The following EPHB1 variants were observed in gnomAD, a reference collection of about 807,000 sequenced individuals.
The protein encoded by EPHB1 is ephrin type-B receptor 1.
EPHB1 carries 30 observed loss-of-function variants against 94.4 expected under a neutral mutation model. That is an observed-to-expected ratio of 0.32 (90% CI 0.24 to 0.43). The LOEUF is 0.43. Ranked by LOEUF, EPHB1 falls within the 20% of genes least tolerant of loss-of-function variation. EPHB1 has a pLI of 1.00. For missense variants in EPHB1, 1,055 were observed against 1,308.3 expected, an observed-to-expected ratio of 0.81 and a Z score of 2.99; for synonymous variants, 522 against 489.1, an observed-to-expected ratio of 1.07 and a Z score of -0.89.
At chr3:135,177,594 C>T (rs1942018663) in intron 9 of EPHB1, among the ~76,000 whole-genome samples, 1 of 152,204 alleles carries the variant, frequency 6.6e-6, no homozygotes, top group Admixed American at 6.5e-5. Context: ...GCTCAATGAC[C>T]CACAGTGGTC....
At chr3:135,179,332 C>T (rs1209340632) in intron 9 of EPHB1, among the ~76,000 whole-genome samples, 5 of 152,174 alleles carry the variant, frequency 3.3e-5, no homozygotes, top group Non-Finnish European at 7.3e-5. Context: ...CGTCTTGGCA[C>T]TTCCATCTCC....
At chr3:135,066,877 T>G (rs1937587081) in intron 3 of EPHB1, among the ~76,000 whole-genome samples, 1 of 152,214 alleles carries the variant, frequency 6.6e-6, no homozygotes, top group South Asian at 2.1e-4. Flanking sequence ...TGTCCCACAG[T>G]GTGTTCCCTT....
chr3:135,008,381 T>C (rs188485292), intron 3 of EPHB1, among the ~76,000 whole-genome samples: 1 of 152,310 alleles, frequency 6.6e-6, no homozygotes, highest in East Asian at 1.9e-4. Context: ...GGTTAAATAG[T>C]TTCCCTGAGT....
intron 1 of EPHB1, among the ~76,000 whole-genome samples, chr3:134,866,879 A>G (rs964451217): frequency 6.6e-6 from 1 of 152,172 alleles, no homozygotes; most frequent in African/African-American, 2.4e-5. Flanking sequence ...GGGAGCAGAT[A>G]CCCTCTTGCC....
intron 1 of EPHB1, among the ~76,000 whole-genome samples, chr3:134,798,885 A>G (rs1018942106): frequency 6.6e-6 from 1 of 151,470 alleles, no homozygotes; most frequent in Non-Finnish European, 1.5e-5. Flanking sequence ...TCCCAACCCC[A>G]CTCCCTGTGT....
rs147061517 is a variant in EPHB1 at position 135,051,571 on chromosome 3, A to G, written c.806-54877A>G. 6.4e-4 allele frequency among the ~76,000 whole-genome samples: 98 copies of G among 152,238 alleles called. 1 individual carries two copies. In the East Asian group the frequency reaches 0.018, roughly 27 times the overall value. ...AAGATTGATTAGTAACTGCTCTCCT[A>G]TTTCTCCCCACCTGGAGGCATCTTT... is the stretch of plus-strand genomic sequence containing the variant. On this transcript the variant is annotated intron_variant, in intron 3 of 15. Transcript: ENST00000398015.
intron 1 of EPHB1, among the ~76,000 whole-genome samples, chr3:134,909,124 G>GGGC (rs2038402118): frequency 8.7e-6 from 1 of 114,738 alleles, no homozygotes; most frequent in African/African-American, 3.1e-5. Context: ...GCGGGGGGCG[G>GGGC]GCTGGAAGAA....
chr3:134,951,990 T>C lies in EPHB1; in HGVS notation c.743T>C (p.Val248Ala). The C allele has an allele frequency of 6.2e-7, 1 of 1,614,002 alleles. No individual in the cohort carries two copies. Among genetic ancestry groups the C allele is most frequent in the South Asian group, 1.1e-5 (1 of 91,068 alleles). Reference sequence around the variant, plus strand: ...TGCAACGGGGATGGGGAATGGATGGTGCCTATTGGGCGATGCACCTGCAAG... The same window carrying C: ...TGCAACGGGGATGGGGAATGGATGGCGCCTATTGGGCGATGCACCTGCAAG... ...LYCNGDGEWM[V>A]PIGRCTCKPG... Residue 248 changes from valine to alanine, a missense_variant, in exon 3 of 16, where the codon GTG (valine) becomes GCG (alanine). Physicochemically the swap from Val to Ala is moderately conservative, Grantham distance 64 (BLOSUM62 0). Coordinates refer to ENST00000398015, the MANE Select transcript of EPHB1 (RefSeq NM_004441.5). This position sits in a 1 kb window ranked among gnomAD's most constrained non-coding sequence, Gnocchi z 4.5.
intron 13 of EPHB1, among the ~76,000 whole-genome samples, chr3:135,243,074 C>CAAAAAAAAAAAAAAA (rs397933477): frequency 6.1e-5 from 6 of 98,326 alleles, no homozygotes; most frequent in Admixed American, 1.2e-4. Flanking sequence ...GACCCTGTCT[C>CAAAAAAAAAAAAAAA]AAAAAAAAAA....
At chr3:134,863,340 T>C (rs765849448) in intron 1 of EPHB1, among the ~76,000 whole-genome samples, 138 of 152,322 alleles carry the variant, frequency 9.1e-4, no homozygotes, top group Non-Finnish European at 1.5e-3. Flanking sequence ...TGAAATATCT[T>C]TGTAGAAGTC....
At chr3:134,796,139 T>C (rs1578090488) in intron 1 of EPHB1, 1 of 213,890 alleles carries the variant, frequency 4.7e-6, no homozygotes, top group Non-Finnish European at 9.3e-6. Context: ...GCGCGCCACC[T>C]CCTTTTCTCC....
chr3:134,854,709 A>G (rs1032807280), intron 1 of EPHB1, among the ~76,000 whole-genome samples: 3 of 152,196 alleles, frequency 2.0e-5, no homozygotes, highest in Non-Finnish European at 2.9e-5. Flanking sequence ...ATTGACTGCT[A>G]TAAAATTGAG....
At chr3:134,919,735 G>A (rs533387631) in intron 1 of EPHB1, among the ~76,000 whole-genome samples, 6 of 152,206 alleles carry the variant, frequency 3.9e-5, no homozygotes, top group African/African-American at 9.6e-5. Context: ...GAAGGCAGAC[G>A]ACCCAGCCAC....
intron 3 of EPHB1, among the ~76,000 whole-genome samples, chr3:134,987,891 C>CA (rs1165180766): frequency 3.9e-5 from 6 of 152,152 alleles, no homozygotes. Context: ...CTTGGACGCC[C>CA]AGCCTCCAGA....
intron 3 of EPHB1, among the ~76,000 whole-genome samples, chr3:135,034,730 A>G (rs781723900): frequency 6.8e-4 from 103 of 152,336 alleles, no homozygotes; most frequent in Non-Finnish European, 1.2e-3. Context: ...AGAAGCAGGC[A>G]CTTTCTAAGG....
At chr3:135,171,988 T>C (rs762714271) in intron 9 of EPHB1, among the ~76,000 whole-genome samples, 25 of 152,194 alleles carry the variant, frequency 1.6e-4, no homozygotes, top group Admixed American at 3.9e-4. Context: ...GAAAAGGTGA[T>C]ATATAAACAG....
chr3:134,860,787 T>C (rs2037239781), intron 1 of EPHB1, among the ~76,000 whole-genome samples: 1 of 102,172 alleles, frequency 9.8e-6, no homozygotes. Flanking sequence ...CACTCCAGCC[T>C]GGCCAGGTGA....
intron 1 of EPHB1, among the ~76,000 whole-genome samples, chr3:134,858,081 C>T (rs2037161677): frequency 1.3e-5 from 2 of 152,060 alleles, no homozygotes; most frequent in Admixed American, 1.3e-4. Context: ...ATACTCTCCA[C>T]CTAAGATTTA....
At chr3:135,252,641 G>GTCTT (rs35108620) in intron 15 of EPHB1, among the ~76,000 whole-genome samples, 11,548 of 146,176 alleles carry the variant, frequency 0.079, 664 homozygotes, top group Middle Eastern at 0.18. Context: ...TTGGTTCCAA[G>GTCTT]TCTTTGCTAT....
Sources: allele counts gnomAD v4.1 joint callset (sites outside exome capture counted in the v4.1 genomes callset), GRCh38; gene constraint gnomAD v4.1.1; non-coding constraint Gnocchi (gnomAD v3.1); transcripts MANE v1.5; gene names NCBI Gene and HGNC (gene_info 2026-07-23, HGNC 2026-07-21).